AFP: variants seen among roughly 807,000 people sequenced by gnomAD.
The protein encoded by AFP is alpha-fetoprotein.
Under a neutral mutation model 78.9 loss-of-function variants are expected in AFP, and 64 were observed. The ratio of observed to expected loss-of-function variants is 0.81; its 90% CI spans 0.66 to 1.00. The LOEUF (loss-of-function observed/expected upper bound fraction) is 1.00, where lower values mean the gene tolerates loss of function less well. AFP is among the 50% of genes least tolerant of loss of function. AFP has a pLI of 0.00. For synonymous variants in AFP, 254 were observed against 243.8 expected, an observed-to-expected ratio of 1.04 and a Z score of -0.39; for missense variants, 689 against 703.8, an observed-to-expected ratio of 0.98 and a Z score of 0.24.
intron 2 of AFP, 50 bp from the exon 3 acceptor site, chr4:73,438,124 A>G (rs1719559971): frequency 6.2e-7 from 1 of 1,606,176 alleles, no homozygotes; most frequent in Admixed American, 1.7e-5. Context: ...GAGAAAAATA[A>G]GCTTGCTGCA....
Position 73,454,016 on chromosome 4 carries a change from A to T in AFP, c.1785+119A>T, listed in dbSNP as rs530001397. The T allele has an allele frequency of 4.2e-4, 523 of 1,256,676 alleles. 2 individuals carry two copies. The African/African-American group carries it at 5.9e-3, about 14-fold the overall frequency. The allele number at this position is 1,256,676 out of a possible 1,614,324, so 77.8% of individuals were successfully genotyped here. A position where few individuals can be genotyped will look rare whatever the true frequency, so the allele number is the denominator to read the frequency against. ...ATATTTTCAGAGAGATTTAAATTTC[A>T]TTGAGAAGCAGATTGAGGGATTCTA... is the stretch of plus-strand genomic sequence containing the variant. On this transcript the variant is annotated intron_variant, in intron 13 of 14. Coordinates refer to ENST00000395792, the MANE Select transcript of AFP (RefSeq NM_001134.3).
intron 4 of AFP, 53 bp downstream of exon 4, chr4:73,440,866 A>C: frequency 6.6e-7 from 1 of 1,508,716 alleles, no homozygotes; most frequent in Non-Finnish European, 9.1e-7. Flanking sequence ...AGCAATGGCA[A>C]GCCTAATTTA....
rs77985098 is a variant in AFP at position 73,437,872 on chromosome 4, T to C, written c.138-302T>C. 2.8e-4 allele frequency among the ~76,000 whole-genome samples: 43 copies of C among 152,018 alleles called. No individual in the cohort carries two copies. In the East Asian group the frequency reaches 7.1e-3, roughly 25 times the overall value. On this transcript the variant is annotated intron_variant, in intron 2 of 14. Transcript: ENST00000395792. ...GTAACCATAAAGAATATAGATACCCTCAATTATGGGTACATTACAGTAGAT... is the reference window on the plus strand; with the variant it reads ...GTAACCATAAAGAATATAGATACCCCCAATTATGGGTACATTACAGTAGAT...
chr4:73,443,594 A>G (rs1415955971), intron 6 of AFP, 150 bp downstream of exon 6: 2 of 661,100 alleles, frequency 3.0e-6, no homozygotes, highest in African/African-American at 3.6e-5. Flanking sequence ...AGAACCATGA[A>G]CTCTTAGGAT....
intron 5 of AFP, 97 bp from the exon 6 acceptor site, chr4:73,443,250 T>A (rs1375814579): frequency 4.4e-6 from 4 of 907,944 alleles, no homozygotes; most frequent in Non-Finnish European, 7.0e-6. Flanking sequence ...TTTATGGAAT[T>A]TCATTTTACC....
At chr4:73,449,984 GT>G in intron 9 of AFP, 51 bp from the exon 10 acceptor site, 1 of 1,189,780 alleles carries the variant, frequency 8.4e-7, no homozygotes, top group East Asian at 2.5e-5. Context: ...TATATACAAA[GT>G]TATGCATCCA....
chr4:73,443,545 G>A, intron 6 of AFP, 101 bp downstream of exon 6: 1 of 873,660 alleles, frequency 1.1e-6, no homozygotes. Flanking sequence ...AGAGAATGAA[G>A]ACCCCTTTGT....
intron 7 of AFP, 70 bp from the exon 8 acceptor site, chr4:73,447,392 A>T: frequency 8.2e-7 from 1 of 1,218,578 alleles, no homozygotes; most frequent in Non-Finnish European, 1.1e-6. Flanking sequence ...TCCTTTTTCT[A>T]AAGCTGGCTT....
In AFP at chr4:73,436,307, T is replaced by A. The variant is rs1719502806; in HGVS notation, c.45T>A (p.Phe15Leu). Residue 15 changes from phenylalanine (F) to leucine (L), a missense_variant, in exon 1 of 15, where the codon TTT becomes TTA. Coordinates refer to ENST00000395792, the MANE Select transcript of AFP (RefSeq NM_001134.3). ...ESIFLIFLLNFTESRTLHRNE... is the reference protein window; with the variant it reads ...ESIFLIFLLNLTESRTLHRNE... ...TTTTTTTAATTTTCCTACTAAATTTTACTGAATCCAGAACACTGCATAGAA... is the reference window on the plus strand; with the variant it reads ...TTTTTTTAATTTTCCTACTAAATTTAACTGAATCCAGAACACTGCATAGAA... The A allele has an allele frequency of 6.2e-7, 1 of 1,605,150 alleles. No individual in the cohort carries two copies. The highest frequency in any genetic ancestry group is 1.3e-5 in the African/African-American group (1 of 74,814).
chr4:73,447,701 T>A, intron 8 of AFP, 25 bp downstream of exon 8: 1 of 1,544,604 alleles, frequency 6.5e-7, no homozygotes, highest in Non-Finnish European at 8.9e-7. Flanking sequence ...AAATGCATGT[T>A]CATGCAAGTA....
chr4:73,445,114 C>A lies in AFP; in HGVS notation c.835C>A (p.Gln279Lys), dbSNP rs1365581012. 4 of 1,613,826 alleles carry A rather than the reference C, an allele frequency of 2.5e-6. No homozygotes were observed. The South Asian group carries it at 3.3e-5, about 13-fold the overall frequency. ...CCRGDVLDCL[Q>K]DGEKIMSYIC... ...CAGAGGAGATGTGCTGGATTGTCTG[C>A]AGGATGGGGTGAAGAGTCTTGCTTC... Residue 279 changes from glutamine (Q) to lysine (K), a missense_variant, in exon 7 of 15, where the codon CAG becomes AAG. By Grantham distance (53) the Gln-to-Lys change is moderately conservative. Coordinates refer to ENST00000395792, the MANE Select transcript of AFP (RefSeq NM_001134.3).
chr4:73,441,761 T>C (rs1045114370), intron 4 of AFP, among the ~76,000 whole-genome samples: 1 of 152,128 alleles, frequency 6.6e-6, no homozygotes, highest in Non-Finnish European at 1.5e-5. Context: ...GCTAGTACAT[T>C]TGACCCCAGG....
At chr4:73,448,692 G>A (rs546064090) in intron 8 of AFP, among the ~76,000 whole-genome samples, 27 of 152,066 alleles carry the variant, frequency 1.8e-4, no homozygotes, top group Admixed American at 4.6e-4. Flanking sequence ...TTTAATAGAA[G>A]CAGTTCTTCA....
At chr4:73,455,117 C>T in intron 13 of AFP, 119 bp from the exon 14 acceptor site, 1 of 818,468 alleles carries the variant, frequency 1.2e-6, no homozygotes, top group East Asian at 2.5e-5. Context: ...TGTGTTTCTT[C>T]ATTTTTAACT....
intron 6 of AFP, 68 bp downstream of exon 6, chr4:73,443,512 GT>G: frequency 3.2e-6 from 4 of 1,253,352 alleles, no homozygotes; most frequent in Non-Finnish European, 3.5e-6. Context: ...ATTTGGGTTC[GT>G]TTTTTTAATT....
In AFP at chr4:73,450,651, G is replaced by A. The variant is rs1220624111; in HGVS notation, c.1326G>A (p.Leu442=). The change falls in exon 11 of 15, where the codon CTG becomes CTA. Residue 442 remains leucine, a synonymous_variant. Coordinates refer to ENST00000395792, the MANE Select transcript of AFP (RefSeq NM_001134.3). The part of the protein sequence containing the change: ...LVAYTKKAPQ[L]TSSELMAITR... ...CTTACACAAAGAAAGCCCCCCAGCT[G>A]ACCTCGTCGGAGCTGATGGCCATCA... The A allele has an allele frequency of 1.9e-6, 3 of 1,614,042 alleles. No homozygotes were observed. Among genetic ancestry groups the A allele is most frequent in the Non-Finnish European group, 2.5e-6 (3 of 1,180,028 alleles).
In AFP at chr4:73,452,648, A is replaced by T. The variant is rs748380549; in HGVS notation, c.1652+24A>T. On this transcript the variant is annotated intron_variant, in intron 12 of 14. Coordinates refer to ENST00000395792, the MANE Select transcript of AFP (RefSeq NM_001134.3). Reference sequence around the variant, plus strand: ...GAGTAAGAAACTGTTACTTGCTAGCATGGAAAAGAATGACAACCCCAAAGA... The same window carrying T: ...GAGTAAGAAACTGTTACTTGCTAGCTTGGAAAAGAATGACAACCCCAAAGA... The T allele has an allele frequency of 1.9e-6, 3 of 1,563,734 alleles. No homozygotes were observed. In the Admixed American group the frequency reaches 5.0e-5, roughly 26 times the overall value.
chr4:73,448,093 C>A (rs1719887669), intron 8 of AFP, among the ~76,000 whole-genome samples: 1 of 151,868 alleles, frequency 6.6e-6, no homozygotes, highest in African/African-American at 2.4e-5. Flanking sequence ...AACTTTTCTC[C>A]AAAAGATAAC....
chr4:73,441,426 G>A (rs1719660265), intron 4 of AFP, among the ~76,000 whole-genome samples: 1 of 151,498 alleles, frequency 6.6e-6, no homozygotes, highest in Non-Finnish European at 1.5e-5. Flanking sequence ...AAATTAGCCG[G>A]GCGTGATGGT....
Sources: allele counts gnomAD v4.1 joint callset (sites outside exome capture counted in the v4.1 genomes callset), GRCh38; gene constraint gnomAD v4.1.1; transcripts MANE v1.5; gene names NCBI Gene and HGNC (gene_info 2026-07-23, HGNC 2026-07-21).